Variants in IPO11 observed in about 807,000 individuals in gnomAD.
IPO11 encodes the protein importin 11.
In IPO11, 66 loss-of-function variants were observed where a neutral mutation model predicts 143.2. The ratio of observed to expected loss-of-function variants is 0.46; its 90% CI spans 0.38 to 0.57. IPO11 has a LOEUF of 0.57. IPO11 is among the 20% of genes least tolerant of loss of function. The pLI is 0.00. For synonymous variants in IPO11, 385 were observed against 377.8 expected (o/e 1.02, Z -0.22); for missense variants, 1,026 against 1,141.0 (o/e 0.90, Z 1.45).
rs939088185 is a variant in IPO11 at position 62,499,612 on chromosome 5, G to T, written c.1591-5055G>T. Among the ~76,000 whole-genome samples the T allele has an allele frequency of 6.8e-5, 6 of 87,898 alleles. No homozygotes were observed. The South Asian group carries it at 2.4e-3, about 35-fold the overall frequency. 57.7% of individuals were successfully genotyped at this position (87,898 alleles called of 152,430 possible). A position where few individuals can be genotyped will look rare whatever the true frequency, so the allele number is the denominator to read the frequency against. ...TTTTTTTGAGACGGAGTCTCGCTTT[G>T]TCGCCCAGGCTGGAGTGCAGAGGCG... On this transcript the variant is annotated intron_variant, in intron 16 of 29. Transcript: ENST00000325324.
At chr5:62,500,212 G>A (rs1741302134) in intron 16 of IPO11, among the ~76,000 whole-genome samples, 1 of 152,172 alleles carries the variant, frequency 6.6e-6, no homozygotes, top group South Asian at 2.1e-4. Context: ...AGCCTAAGAG[G>A]TCAAGGCTGC....
intron 1 of IPO11, among the ~76,000 whole-genome samples, chr5:62,414,024 A>G (rs762929229): frequency 6.6e-6 from 1 of 152,156 alleles, no homozygotes; most frequent in Non-Finnish European, 1.5e-5. Flanking sequence ...AATTAATTAT[A>G]GTAGTGGCTT....
intron 27 of IPO11, among the ~76,000 whole-genome samples, chr5:62,571,760 A>G (rs1358987399): frequency 3.4e-5 from 5 of 149,174 alleles, no homozygotes; most frequent in African/African-American, 1.2e-4. Context: ...ATCTCAGCTC[A>G]CTGCAACCTC....
chr5:62,466,740 T>C (rs1164488063), intron 5 of IPO11, among the ~76,000 whole-genome samples: 3 of 152,210 alleles, frequency 2.0e-5, no homozygotes, highest in Non-Finnish European at 4.4e-5. Flanking sequence ...TTTGTATATC[T>C]TCATATATTG....
At chr5:62,566,422 G>A (rs1238312682) in intron 27 of IPO11, among the ~76,000 whole-genome samples, 2 of 151,916 alleles carry the variant, frequency 1.3e-5, no homozygotes, top group East Asian at 1.9e-4. Flanking sequence ...GTGCATAAAT[G>A]TTATTTTTCT....
intron 22 of IPO11, among the ~76,000 whole-genome samples, chr5:62,535,392 A>G (rs750403623): frequency 6.6e-6 from 1 of 152,116 alleles, no homozygotes; most frequent in African/African-American, 2.4e-5. Context: ...TTGTTGGTCT[A>G]CAAAAAAAGT....
chr5:62,501,469 A>T (rs1215591420), intron 16 of IPO11, among the ~76,000 whole-genome samples: 1 of 152,190 alleles, frequency 6.6e-6, no homozygotes, highest in East Asian at 1.9e-4. Context: ...TTGAGTTTAT[A>T]ATTGATATGT....
intron 27 of IPO11, chr5:62,578,645 T>G (rs1744412632): frequency 8.6e-6 from 4 of 465,372 alleles, no homozygotes; most frequent in Non-Finnish European, 1.8e-5. Context: ...AATAAGTTCC[T>G]GAGATTTCCG....
intron 25 of IPO11, among the ~76,000 whole-genome samples, 200 bp from the exon 26 acceptor site, chr5:62,551,023 A>C (rs1198115415): frequency 6.7e-6 from 1 of 149,650 alleles, no homozygotes; most frequent in East Asian, 1.9e-4. Flanking sequence ...TTTATTGTAT[A>C]TATATATATA....
intron 22 of IPO11, among the ~76,000 whole-genome samples, chr5:62,532,202 A>G (rs924416624): frequency 6.6e-6 from 1 of 152,164 alleles, no homozygotes; most frequent in Non-Finnish European, 1.5e-5. Flanking sequence ...TCAGTTCCCT[A>G]AGAGTGATGG....
intron 29 of IPO11, among the ~76,000 whole-genome samples, chr5:62,611,494 T>A (rs556717600): frequency 6.6e-6 from 1 of 152,204 alleles, no homozygotes; most frequent in African/African-American, 2.4e-5. Context: ...TGGAACTAAA[T>A]AAAGTGATGA....
intron 3 of IPO11, among the ~76,000 whole-genome samples, chr5:62,447,626 C>A (rs1382979568): frequency 1.3e-5 from 2 of 151,516 alleles, no homozygotes; most frequent in Non-Finnish European, 2.9e-5. Context: ...TGCTCTGTCA[C>A]CCAGGCTGGA....
At position 62,504,762 on chromosome 5, in the gene IPO11, T is replaced by C. The variant is rs1741486315; in HGVS notation, c.1624+62T>C. On this transcript the variant is annotated intron_variant, in intron 17 of 29. Coordinates refer to ENST00000325324, the MANE Select transcript of IPO11 (RefSeq NM_016338.5). Reference sequence around the variant, plus strand: ...AGAACTTTAACACTTTTAATTATTATTTATTTTGTGAAATTAATTTATGTA... The same window carrying C: ...AGAACTTTAACACTTTTAATTATTACTTATTTTGTGAAATTAATTTATGTA... 6.6e-6 allele frequency: 9 copies of C among 1,356,850 alleles called. No homozygotes were observed. The Middle Eastern group carries it at 8.1e-4, about 122-fold the overall frequency. 84.1% of individuals were successfully genotyped at this position (1,356,850 alleles called of 1,614,324 possible). A position where few individuals can be genotyped will look rare whatever the true frequency, so the allele number is the denominator to read the frequency against.
intron 27 of IPO11, among the ~76,000 whole-genome samples, chr5:62,584,113 A>G (rs1744666493): frequency 1.3e-5 from 2 of 152,334 alleles, no homozygotes; most frequent in South Asian, 4.1e-4. Flanking sequence ...TAAACTATAA[A>G]TTAAAAGCAT....
At chr5:62,438,349 G>GT (rs1403623448) in intron 2 of IPO11, among the ~76,000 whole-genome samples, 13 of 150,540 alleles carry the variant, frequency 8.6e-5, no homozygotes, top group Non-Finnish European at 1.9e-4. Flanking sequence ...TAACAGAATC[G>GT]TAAAAAAAAA....
chr5:62,432,637 G>T (rs1187948317), intron 1 of IPO11, among the ~76,000 whole-genome samples: 1 of 152,218 alleles, frequency 6.6e-6, no homozygotes, highest in South Asian at 2.1e-4. Context: ...ATTTTCCAGA[G>T]ACTTTGAGCT....
rs1433333895 is a variant in IPO11 at position 62,483,266 on chromosome 5, G to A, written c.994G>A (p.Ala332Thr). The A allele has an allele frequency of 8.9e-6, 14 of 1,578,140 alleles. No individual in the cohort carries two copies. Among genetic ancestry groups the A allele is most frequent in the Non-Finnish European group, 1.2e-5 (14 of 1,164,624 alleles). Residue 332 changes from alanine to threonine, a missense_variant, in exon 10 of 30, where the codon GCT becomes ACT. Around this residue, in one of 5 missense-constraint regions of IPO11, gnomAD observed 429 missense variants for 456.3 expected, o/e 0.94. Coordinates refer to ENST00000325324, the MANE Select transcript of IPO11 (RefSeq NM_016338.5). Reference sequence around the variant, plus strand: ...TATTAAGATGATTGTCAAAAATTATGCTTATAAGCCATCCAAAAATTTTGA... The same window carrying A: ...TATTAAGATGATTGTCAAAAATTATACTTATAAGCCATCCAAAAATTTTGA... ...NLIKMIVKNY[A>T]YKPSKNFEDS...
chr5:62,503,734 C>G (rs1450792327), intron 16 of IPO11, among the ~76,000 whole-genome samples: 2 of 152,110 alleles, frequency 1.3e-5, no homozygotes, highest in Non-Finnish European at 2.9e-5. Context: ...ACTGTAGGCT[C>G]TTAGAATCTG....
chr5:62,546,674 T>G (rs982590408), intron 24 of IPO11, among the ~76,000 whole-genome samples: 2 of 152,188 alleles, frequency 1.3e-5, no homozygotes, highest in African/African-American at 2.4e-5. Flanking sequence ...GTGCAAAAGT[T>G]CTTTTTGTAA....
Sources: gnomAD v4.1 joint callset for allele counts (sites outside exome capture counted in the v4.1 genomes callset) on GRCh38, gnomAD v4.1.1 for gene constraint, gnomAD v4.1.1 regional missense constraint, MANE v1.5 for transcripts, NCBI Gene and HGNC (gene_info 2026-07-23, HGNC 2026-07-21) for gene names.